The following TMPRSS7 variants were observed in gnomAD, a reference collection of about 807,000 sequenced individuals.
TMPRSS7 encodes transmembrane protease serine 7.
A neutral mutation model predicts 95.6 loss-of-function variants in TMPRSS7; 81 were observed. The observed-to-expected ratio is 0.85, with a 90% CI of 0.71 to 1.02. The LOEUF (loss-of-function observed/expected upper bound fraction) is 1.02, where lower values mean the gene tolerates loss of function less well. TMPRSS7 is among the 50% of genes least tolerant of loss of function. TMPRSS7 has a pLI of 0.00. For missense variants in TMPRSS7, 945 were observed against 955.2 expected, an observed-to-expected ratio of 0.99 and a Z score of 0.14; for synonymous variants, 364 against 337.8, an observed-to-expected ratio of 1.08 and a Z score of -0.85.
At chr3:112,047,115 C>A (rs377490202) in intron 6 of TMPRSS7, 103 bp downstream of exon 6, 5 of 669,744 alleles carry the variant, frequency 7.5e-6, no homozygotes, top group East Asian at 2.7e-5. Flanking sequence ...CTTTTAATTG[C>A]AAGTGACAGA....
intron 17 of TMPRSS7, among the ~76,000 whole-genome samples, chr3:112,080,547 C>CTA (rs372656192): frequency 1.8e-5 from 2 of 112,008 alleles, no homozygotes; most frequent in Non-Finnish European, 3.9e-5. Context: ...ACTACTACTA[C>CTA]CACCACTACT....
chr3:112,050,110 G>C (rs2073326873), intron 8 of TMPRSS7, 136 bp downstream of exon 8: 5 of 785,416 alleles, frequency 6.4e-6, no homozygotes, highest in Non-Finnish European at 9.2e-6. Context: ...AGTCAGAAGA[G>C]AGAGACCATA....
At chr3:112,041,077 CAAAA>C (rs35859400) in intron 2 of TMPRSS7, among the ~76,000 whole-genome samples, 1 of 123,002 alleles carries the variant, frequency 8.1e-6, no homozygotes. Context: ...AGTCTGCAAC[CAAAA>C]AAAAAAAAAA....
At chr3:112,081,153 C>T in exon 18 of TMPRSS7, 1 of 1,468,522 alleles carries the variant, frequency 6.8e-7, no homozygotes, top group Admixed American at 2.1e-5. Context: ...CAGTAATTGG[C>T]TGGGTGCGCT....
intron 16 of TMPRSS7, 111 bp downstream of exon 16, chr3:112,077,255 C>A: frequency 8.5e-7 from 1 of 1,180,720 alleles, no homozygotes; most frequent in Non-Finnish European, 1.2e-6. Flanking sequence ...TCCTTTGAAC[C>A]TCCTGACAAC....
rs1025655683 is a variant in TMPRSS7 at position 112,075,619 on chromosome 3, T to C, written c.1955+127T>C. Reference sequence around the variant, plus strand: ...TCAATTCAATTGCACTTTCATTTTTTGGATCCCACGTGTGTGACAAACATT... The same window carrying C: ...TCAATTCAATTGCACTTTCATTTTTCGGATCCCACGTGTGTGACAAACATT... On this transcript the variant is annotated intron_variant, in intron 15 of 17. Coordinates refer to ENST00000452346, the Ensembl canonical transcript of TMPRSS7. 8.4e-6 allele frequency: 7 copies of C among 835,632 alleles called. No homozygotes were observed. The African/African-American group carries it at 1.2e-4, about 15-fold the overall frequency. The allele number at this position is 835,632 out of a possible 1,614,324, so 51.8% of individuals were successfully genotyped here.
Position 112,072,823 on chromosome 3 carries a change from C to A in TMPRSS7, c.1667-1473C>A, listed in dbSNP as rs577991576. Among the ~76,000 whole-genome samples the A allele has an allele frequency of 1.4e-4, 22 of 152,362 alleles. No individual in the cohort carries two copies. In the East Asian group the frequency reaches 4.2e-3, roughly 29 times the overall value. On this transcript the variant is annotated intron_variant, in intron 13 of 17. Coordinates refer to ENST00000452346, the Ensembl canonical transcript of TMPRSS7. Reference sequence around the variant, plus strand: ...CTTAATCCAGTCTATCATTTATGGACATTTGGGTTGGTTCCAAATCTTTGC... The same window carrying A: ...CTTAATCCAGTCTATCATTTATGGAAATTTGGGTTGGTTCCAAATCTTTGC...
intron 16 of TMPRSS7, among the ~76,000 whole-genome samples, 163 bp from the exon 17 acceptor site, chr3:112,078,579 C>T (rs79866415): frequency 0.017 from 2,633 of 152,306 alleles, 35 homozygotes; most frequent in Middle Eastern, 0.068. Context: ...TCCTAGCACT[C>T]GATTTCTTCA....
At chr3:112,048,744 A>C (rs1417959941) in intron 7 of TMPRSS7, among the ~76,000 whole-genome samples, 2 of 152,220 alleles carry the variant, frequency 1.3e-5, no homozygotes, top group Non-Finnish European at 2.9e-5. Context: ...ACTATATAAG[A>C]ATATGCAGTG....
Position 112,075,349 on chromosome 3 carries a change from C to CCGCATCAT in TMPRSS7, c.1815_1822dup (p.Gly608AlafsTer73), listed in dbSNP as rs1188299067. ...GCAGCAGGAGTTCCTCCGCCCTTCA[C>CCGCATCAT]CGCATCATCGGAGGCACAGACACCC... On this transcript the variant is annotated frameshift_variant, in exon 15 of 18. Transcript: ENST00000452346. LOFTEE classifies it high-confidence loss of function. The CCGCATCAT allele has an allele frequency of 1.4e-6, 2 of 1,450,634 alleles. No individual in the cohort carries two copies. The highest frequency in any genetic ancestry group is 1.8e-6 in the Non-Finnish European group (2 of 1,096,436). 89.9% of individuals were successfully genotyped at this position (1,450,634 alleles called of 1,614,324 possible).
intron 9 of TMPRSS7, among the ~76,000 whole-genome samples, chr3:112,054,385 T>G (rs929735251): frequency 1.3e-5 from 2 of 152,358 alleles, no homozygotes; most frequent in South Asian, 2.1e-4. Flanking sequence ...TTTTTGTTCA[T>G]TTGTTGAAAT....
chr3:112,061,464 T>TA (rs2073504455), intron 10 of TMPRSS7, among the ~76,000 whole-genome samples: 1 of 152,342 alleles, frequency 6.6e-6, no homozygotes, highest in Admixed American at 6.5e-5. Flanking sequence ...AGGCAATTCT[T>TA]ACATTACACA....
intron 5 of TMPRSS7, among the ~76,000 whole-genome samples, chr3:112,046,398 G>A (rs554525035): frequency 2.2e-4 from 34 of 152,114 alleles, no homozygotes; most frequent in African/African-American, 8.2e-4. Flanking sequence ...ATAGTAAAAT[G>A]GTTTAATGAT....
intron 2 of TMPRSS7, among the ~76,000 whole-genome samples, chr3:112,040,338 G>GT (rs909620607): frequency 1.3e-5 from 2 of 152,110 alleles, no homozygotes; most frequent in Non-Finnish European, 2.9e-5. Context: ...GAAGGTGTGA[G>GT]TTTTTTTGCT....
exon 7 of TMPRSS7, chr3:112,047,791 G>A (rs1321688221): frequency 3.1e-6 from 5 of 1,614,000 alleles, no homozygotes; most frequent in Non-Finnish European, 4.2e-6. Flanking sequence ...TCCACTACCC[G>A]CTGGAGATTT....
At chr3:112,043,215 G>A (rs1023556701) in intron 3 of TMPRSS7, among the ~76,000 whole-genome samples, 3 of 152,168 alleles carry the variant, frequency 2.0e-5, no homozygotes, top group Admixed American at 6.5e-5. Context: ...ATAGCCTACT[G>A]CTCCTAAGCC....
exon 17 of TMPRSS7, chr3:112,078,813 T>C (rs779526784): frequency 9.3e-6 from 15 of 1,614,084 alleles, no homozygotes; most frequent in Non-Finnish European, 1.3e-5. Context: ...TGTTTCCACC[T>C]ACGGGATCAT....
exon 17 of TMPRSS7, chr3:112,078,770 A>G: frequency 6.2e-7 from 1 of 1,614,212 alleles, no homozygotes; most frequent in Non-Finnish European, 8.5e-7. Flanking sequence ...TTCTGCAGCA[A>G]GCGGAGGTAG....
chr3:112,046,193 C>T (rs942928112), intron 5 of TMPRSS7, among the ~76,000 whole-genome samples: 1 of 152,148 alleles, frequency 6.6e-6, no homozygotes, highest in African/African-American at 2.4e-5. Context: ...GTACCTCTAC[C>T]TACCTTTATT....
Sources: gnomAD v4.1 joint callset for allele counts (sites outside exome capture counted in the v4.1 genomes callset) on GRCh38, gnomAD v4.1.1 for gene constraint, MANE v1.5 for transcripts, NCBI Gene and HGNC (gene_info 2026-07-23, HGNC 2026-07-21) for gene names.